The following FNBP1L variants were observed in gnomAD, a reference collection of about 807,000 sequenced individuals.
The protein encoded by FNBP1L is formin binding protein 1 like.
A neutral mutation model predicts 91.2 loss-of-function variants in FNBP1L; 36 were observed. That is an observed-to-expected ratio of 0.39 (90% CI 0.30 to 0.52). The LOEUF is 0.52. FNBP1L is among the 20% of genes least tolerant of loss of function. The probability of loss-of-function intolerance (pLI) is 0.66; values close to 1 mark genes in which losing one functional copy is unlikely to be tolerated. For synonymous variants in FNBP1L, 242 were observed against 237.0 expected (o/e 1.02, Z -0.19); for missense variants, 571 against 732.1 (o/e 0.78, Z 2.54).
intron 2 of FNBP1L, among the ~76,000 whole-genome samples, chr1:93,518,465 T>C (rs1395408539): frequency 6.6e-6 from 1 of 152,220 alleles, no homozygotes; most frequent in Non-Finnish European, 1.5e-5. Flanking sequence ...ACAAAGTTAA[T>C]TAGGAAATAG....
rs562092172 is a variant in FNBP1L, at chr1:93,478,245, A to G, written c.25-21223A>G. ...AAGCTGCGATGGTCTAGAGCAGGGT[A>G]TCAGAACCTGGGTCTTGAGGAGTGT... On this transcript the variant is annotated intron_variant, in intron 1 of 16. Coordinates refer to ENST00000271234, the MANE Select transcript of FNBP1L (RefSeq NM_001164473.3). 2.0e-5 allele frequency among the ~76,000 whole-genome samples: 3 copies of G among 152,278 alleles called. No individual in the cohort carries two copies. The South Asian group carries it at 6.2e-4, about 32-fold the overall frequency.
At chr1:93,465,376 G>C (rs1991291) in intron 1 of FNBP1L, among the ~76,000 whole-genome samples, 148,549 of 151,372 alleles carry the variant, frequency 0.98, 72,940 homozygotes, top group East Asian at 1. Context: ...CCAACAGGCC[G>C]CGGTGTGTGA....
intron 1 of FNBP1L, among the ~76,000 whole-genome samples, chr1:93,476,202 C>T (rs1171411619): frequency 6.6e-6 from 1 of 152,118 alleles, no homozygotes; most frequent in Non-Finnish European, 1.5e-5. Context: ...ATTCTATGTT[C>T]AATTAAAGTA....
At chr1:93,455,385 C>T (rs778502588) in intron 1 of FNBP1L, among the ~76,000 whole-genome samples, 4 of 152,178 alleles carry the variant, frequency 2.6e-5, no homozygotes, top group Admixed American at 6.5e-5. Context: ...GACAAGGTCT[C>T]GCTGTATTGC....
At chr1:93,502,898 T>G (rs1670483445) in intron 2 of FNBP1L, among the ~76,000 whole-genome samples, 1 of 152,210 alleles carries the variant, frequency 6.6e-6, no homozygotes, top group Admixed American at 6.5e-5. Flanking sequence ...TTTGGATGAC[T>G]ACTTAGTAAA....
chr1:93,541,920 G>C (rs1209761767), intron 11 of FNBP1L, among the ~76,000 whole-genome samples: 3 of 152,026 alleles, frequency 2.0e-5, no homozygotes, highest in Non-Finnish European at 4.4e-5. Flanking sequence ...TCATAAATTT[G>C]AGAACAGGGT....
chr1:93,495,279 A>G (rs1019355024), intron 1 of FNBP1L, among the ~76,000 whole-genome samples: 24 of 152,228 alleles, frequency 1.6e-4, no homozygotes, highest in Non-Finnish European at 3.2e-4. Context: ...TTGTTTCAAT[A>G]ATGAATAATG....
At chr1:93,547,518 G>T (rs541328654) in intron 14 of FNBP1L, 77 bp downstream of exon 14, 5 of 1,236,884 alleles carry the variant, frequency 4.0e-6, no homozygotes, top group Non-Finnish European at 4.5e-6. Context: ...TATACAATTC[G>T]TTTTTTTCTT....
chr1:93,527,210 A>G (rs1671522437), intron 5 of FNBP1L, among the ~76,000 whole-genome samples: 1 of 152,202 alleles, frequency 6.6e-6, no homozygotes, highest in Non-Finnish European at 1.5e-5. Context: ...TTGGCTACAA[A>G]TGGCTTGATA....
At chr1:93,507,528 T>C (rs1332834345) in intron 2 of FNBP1L, among the ~76,000 whole-genome samples, 4 of 152,266 alleles carry the variant, frequency 2.6e-5, no homozygotes, top group African/African-American at 4.8e-5. Flanking sequence ...TTTGCGGGAC[T>C]TACTTAACCA....
At chr1:93,464,063 T>C (rs1296555471) in intron 1 of FNBP1L, among the ~76,000 whole-genome samples, 1 of 152,152 alleles carries the variant, frequency 6.6e-6, no homozygotes, top group Non-Finnish European at 1.5e-5. Context: ...GTGGCTACCA[T>C]GAGAACAACA....
At position 93,522,213 on chromosome 1, in the gene FNBP1L, T is replaced by G. The variant is rs558126892; in HGVS notation, c.194+78T>G. The G allele has an allele frequency of 7.9e-5, 50 of 635,974 alleles. 1 individual carries two copies. In the East Asian group the frequency reaches 2.0e-3, roughly 25 times the overall value. The allele number at this position is 635,974 out of a possible 1,614,324, so 39.4% of individuals were successfully genotyped here. ...TATTTTTATTATTTAGTAAGATATA[T>G]TCTTAGCTTTTTATAAAGATTTTAT... On this transcript the variant is annotated intron_variant, in intron 3 of 16. Coordinates refer to ENST00000271234, the MANE Select transcript of FNBP1L (RefSeq NM_001164473.3).
At position 93,553,422 on chromosome 1, in the gene FNBP1L, G is replaced by C. The variant is rs1557826125; in HGVS notation, c.*1006G>C. ...CCGCTGCAGCTGCCGATGTAGCCTCGGTAGGTGGCTATTAGAGCTCTACCA... is the reference window on the plus strand; with the variant it reads ...CCGCTGCAGCTGCCGATGTAGCCTCCGTAGGTGGCTATTAGAGCTCTACCA... On this transcript the variant is annotated 3_prime_UTR_variant, in exon 17 of 17. Transcript: ENST00000271234. 3 of 152,612 alleles carry C rather than the reference G, an allele frequency of 2.0e-5. No individual in the cohort carries two copies. The highest frequency in any genetic ancestry group is 1.9e-4 in the East Asian group (1 of 5,196). 9.5% of individuals were successfully genotyped at this position (152,612 alleles called of 1,614,324 possible). A position where few individuals can be genotyped will look rare whatever the true frequency, so the allele number is the denominator to read the frequency against.
chr1:93,547,413 A>C lies in FNBP1L; in HGVS notation c.1474A>C (p.Asn492His), dbSNP rs1191037183. ...AGACAGAAGACATAGCAGTGACATA[A>C]ATCATCTTGTAACACAGGGACGAGA... is the stretch of plus-strand genomic sequence containing the variant. ...RGDRRHSSDI[N>H]HLVTQGRESP... The change falls in exon 14 of 17, where the codon AAT becomes CAT. Residue 492 changes from asparagine to histidine, a missense_variant. By Grantham distance (68) the Asn-to-His change is moderately conservative (BLOSUM62 1). This residue lies in a region of FNBP1L where 189 missense variants were observed against 219.7 expected (regional missense o/e 0.86). Transcript: ENST00000271234. 6.4e-7 allele frequency: 1 copy of C among 1,559,010 alleles called. No homozygotes were observed. The highest frequency in any genetic ancestry group is 1.4e-5 in the African/African-American group (1 of 73,368).
At chr1:93,531,583 G>A (rs918046702) in intron 7 of FNBP1L, among the ~76,000 whole-genome samples, 1 of 152,118 alleles carries the variant, frequency 6.6e-6, no homozygotes, top group African/African-American at 2.4e-5. Context: ...TTCTTTATAA[G>A]GCAAGTTGGA....
At chr1:93,521,389 C>T (rs573081164) in intron 2 of FNBP1L, among the ~76,000 whole-genome samples, 2 of 152,000 alleles carry the variant, frequency 1.3e-5, no homozygotes, top group East Asian at 3.9e-4. Context: ...TATTAAAGTC[C>T]TCAATTTGTG....
intron 11 of FNBP1L, among the ~76,000 whole-genome samples, chr1:93,541,960 AT>A (rs1672060231): frequency 1.3e-5 from 2 of 152,162 alleles, no homozygotes; most frequent in African/African-American, 4.8e-5. Context: ...ATTCTGGCAG[AT>A]TTACTTGTAG....
intron 1 of FNBP1L, among the ~76,000 whole-genome samples, chr1:93,474,601 C>T (rs1022640694): frequency 2.6e-5 from 4 of 152,090 alleles, no homozygotes; most frequent in Non-Finnish European, 4.4e-5. Flanking sequence ...AAAACAGGCC[C>T]CTTCTACAGA....
intron 2 of FNBP1L, among the ~76,000 whole-genome samples, chr1:93,510,705 G>GA (rs1206407668): frequency 2.6e-5 from 4 of 152,016 alleles, no homozygotes; most frequent in Non-Finnish European, 4.4e-5. Context: ...TGAAAACTTT[G>GA]AAAAAAATTT....
Sources: gnomAD v4.1 joint callset for allele counts (sites outside exome capture counted in the v4.1 genomes callset) on GRCh38, gnomAD v4.1.1 for gene constraint, gnomAD v4.1.1 regional missense constraint, MANE v1.5 for transcripts, NCBI Gene and HGNC (gene_info 2026-07-23, HGNC 2026-07-21) for gene names.